SEMA3F: variants seen among roughly 807,000 people sequenced by gnomAD.
SEMA3F encodes semaphorin 3F.
A neutral mutation model predicts 98.5 loss-of-function variants in SEMA3F; 30 were observed. The ratio of observed to expected loss-of-function variants is 0.30; its 90% confidence interval spans 0.23 to 0.41. The LOEUF (loss-of-function observed/expected upper bound fraction) is 0.41. Ranked by LOEUF, SEMA3F falls within the 10% of genes least tolerant of loss-of-function variation. The pLI is 1.00. For missense variants in SEMA3F, 866 were observed against 1,119.3 expected, an observed-to-expected ratio of 0.77 and a Z score of 3.23; for synonymous variants, 380 against 444.8, an observed-to-expected ratio of 0.85 and a Z score of 1.83.
chr3:50,180,242 C>T (rs532140762), intron 7 of SEMA3F, among the ~76,000 whole-genome samples: 113 of 152,198 alleles, frequency 7.4e-4, no homozygotes, highest in African/African-American at 2.6e-3. Context: ...CTCCACCCCC[C>T]GACTCCCTGC....
chr3:50,182,279 C>A lies in SEMA3F; in HGVS notation c.644-5C>A. 6.2e-7 allele frequency: 1 copy of A among 1,614,076 alleles called. No homozygotes were observed. The highest frequency in any genetic ancestry group is 1.1e-5 in the South Asian group (1 of 91,080). ...CCCCCAACTGACCCACTGGCCTACC[C>A]ACAGATGAGGAGCTCTATGCTGGTG... is the stretch of plus-strand genomic sequence containing the variant. On this transcript the variant is annotated splice_region_variant and splice_polypyrimidine_tract_variant and intron_variant, in intron 7 of 18. Coordinates refer to ENST00000002829, the MANE Select transcript of SEMA3F (RefSeq NM_004186.5). This position sits in a 1 kb window ranked among gnomAD's most constrained non-coding sequence, Gnocchi z 4.5.
At chr3:50,180,399 C>T (rs951305335) in intron 7 of SEMA3F, among the ~76,000 whole-genome samples, 1 of 151,940 alleles carries the variant, frequency 6.6e-6, no homozygotes, top group South Asian at 2.1e-4. Context: ...TCAAGTGATC[C>T]CCTGCCTCAG....
chr3:50,176,809 G>A lies in SEMA3F; in HGVS notation c.591G>A (p.Gly197=), dbSNP rs778608819. Reference sequence around the variant, plus strand: ...TGGAGCCTGAGCGACTCGAGTCAGGGAAGGGCAAGTGTCCGTACGATCCCA... The same window carrying A: ...TGGAGCCTGAGCGACTCGAGTCAGGAAAGGGCAAGTGTCCGTACGATCCCA... ...FYLEPERLES[G]KGKCPYDPKL... is the part of the protein sequence containing the mutation. Residue 197 remains glycine (G), a synonymous_variant, in exon 7 of 19, where the codon GGG becomes GGA. Transcript: ENST00000002829. 3 of 1,613,784 alleles carry A rather than the reference G, an allele frequency of 1.9e-6. No homozygotes were observed. Among genetic ancestry groups the A allele is most frequent in the Non-Finnish European group, 2.5e-6 (3 of 1,179,996 alleles).
chr3:50,179,164 G>A (rs1449824596), intron 7 of SEMA3F, among the ~76,000 whole-genome samples: 3 of 152,006 alleles, frequency 2.0e-5, no homozygotes, highest in Non-Finnish European at 4.4e-5. Flanking sequence ...TTCTTGGAAT[G>A]GTAAATGAGC....
chr3:50,158,702 C>T lies in SEMA3F; in HGVS notation c.-48-873C>T, dbSNP rs561365178. Among the ~76,000 whole-genome samples, 4 of 152,260 alleles carry T rather than the reference C, an allele frequency of 2.6e-5. No individual in the cohort carries two copies. The highest frequency in any genetic ancestry group is 1.9e-4 in the East Asian group (1 of 5,182). The stretch of plus-strand genomic sequence containing the variant: ...GGTAGGAGTTGGCGCTGGTTTGTGC[C>T]GGGAGGGAGCAATATGTTCTGACAA... On this transcript the variant is annotated intron_variant, in intron 1 of 18. Transcript: ENST00000002829. The surrounding 1 kb of genome is among the most constrained non-coding windows in gnomAD (Gnocchi z 4.8).
intron 2 of SEMA3F, among the ~76,000 whole-genome samples, chr3:50,165,852 G>T (rs1466720758): frequency 1.3e-5 from 2 of 152,208 alleles, no homozygotes; most frequent in African/African-American, 4.8e-5. Flanking sequence ...CTGACCACTG[G>T]TCCTGACCCA....
chr3:50,185,615 G>A (rs745655798), intron 14 of SEMA3F, 51 bp from the exon 15 acceptor site: 1 of 1,613,178 alleles, frequency 6.2e-7, no homozygotes, highest in South Asian at 1.1e-5. Context: ...CTCTAGGTCA[G>A]GGCAGGGAGG....
In SEMA3F at chr3:50,155,952, G is replaced by C. The variant is rs1442019727; in HGVS notation, c.-49+388G>C. ...AACGCCCGAGGCAGCGCTCTTCCCC[G>C]TAGATGCGCTTGCCCTACCTCAGTG... On this transcript the variant is annotated intron_variant, in intron 1 of 18. Coordinates refer to ENST00000002829, the MANE Select transcript of SEMA3F (RefSeq NM_004186.5). This position sits in a 1 kb window ranked among gnomAD's most constrained non-coding sequence, Gnocchi z 4.9. 2.0e-5 allele frequency: 3 copies of C among 152,168 alleles called. No homozygotes were observed. The highest frequency in any genetic ancestry group is 7.2e-5 in the African/African-American group (3 of 41,450). The allele number at this position is 152,168 out of a possible 1,614,324, so 9.4% of individuals were successfully genotyped here.
intron 2 of SEMA3F, among the ~76,000 whole-genome samples, chr3:50,171,668 G>C (rs1698609815): frequency 6.6e-6 from 1 of 152,178 alleles, no homozygotes; most frequent in Non-Finnish European, 1.5e-5. Context: ...CAGCCCTGGG[G>C]GTGGGGGAAT....
In SEMA3F at chr3:50,173,795, C is replaced by G. The variant is rs138196965; in HGVS notation, c.115C>G (p.Leu39Val). 5 of 1,613,860 alleles carry G rather than the reference C, an allele frequency of 3.1e-6. No homozygotes were observed. The highest frequency in any genetic ancestry group is 4.2e-6 in the Non-Finnish European group (5 of 1,179,834). ...TPRVRLSFKE[L>V]KATGTAHFFN... ...GGTGCCCTGCCCTCCACCCACAGAGCTGAAGGCCACAGGCACCGCCCACTT... is the reference window on the plus strand; with the variant it reads ...GGTGCCCTGCCCTCCACCCACAGAGGTGAAGGCCACAGGCACCGCCCACTT... The change falls in exon 3 of 19, where the codon CTG becomes GTG. Residue 39 changes from leucine to valine, a missense_variant and splice_region_variant. By Grantham distance (32) the Leu-to-Val change is conservative. Coordinates refer to ENST00000002829, the MANE Select transcript of SEMA3F (RefSeq NM_004186.5).
chr3:50,168,509 C>T (rs1698485942), intron 2 of SEMA3F, among the ~76,000 whole-genome samples: 1 of 152,102 alleles, frequency 6.6e-6, no homozygotes, highest in Non-Finnish European at 1.5e-5. Flanking sequence ...GTGGGTGTGC[C>T]AAGCAGGAGG....
chr3:50,168,732 A>G (rs1386850585), intron 2 of SEMA3F, among the ~76,000 whole-genome samples: 1 of 151,954 alleles, frequency 6.6e-6, no homozygotes, highest in Admixed American at 6.6e-5. Context: ...GGCCGGGGCC[A>G]CCCCTTCCTG....
Position 50,173,821 on chromosome 3 carries a change from C to G in SEMA3F, c.141C>G (p.Phe47Leu). 6.2e-7 allele frequency: 1 copy of G among 1,614,120 alleles called. No individual in the cohort carries two copies. Among genetic ancestry groups the G allele is most frequent in the Non-Finnish European group, 8.5e-7 (1 of 1,180,032 alleles). The stretch of plus-strand genomic sequence containing the variant: ...TGAAGGCCACAGGCACCGCCCACTT[C>G]TTCAACTTCCTGCTCAACACAACCG... ...KELKATGTAH[F>L]FNFLLNTTDY... is the part of the protein sequence containing the mutation. Residue 47 changes from phenylalanine (F) to leucine (L), a missense_variant, in exon 3 of 19, where the codon TTC (phenylalanine) becomes TTG (leucine). Coordinates refer to ENST00000002829, the MANE Select transcript of SEMA3F (RefSeq NM_004186.5).
In SEMA3F at chr3:50,165,001, G is replaced by GT. The variant is rs1477609054; in HGVS notation, c.112+5268dup. On this transcript the variant is annotated intron_variant, in intron 2 of 18. Coordinates refer to ENST00000002829, the MANE Select transcript of SEMA3F (RefSeq NM_004186.5). The stretch of plus-strand genomic sequence containing the variant: ...CAGGTCCAGGGGCATGCCCCAAGGA[G>GT]TCCCAGACTGCCTCACCCCTTCCTC... Among the ~76,000 whole-genome samples the GT allele has an allele frequency of 3.2e-4, 48 of 152,246 alleles. 1 individual carries two copies. The highest frequency in any genetic ancestry group is 2.4e-4 in the Non-Finnish European group (16 of 68,046).
chr3:50,178,832 T>TTG (rs1296975777), intron 7 of SEMA3F, among the ~76,000 whole-genome samples: 2 of 133,166 alleles, frequency 1.5e-5, no homozygotes, highest in African/African-American at 5.5e-5. Flanking sequence ...TCTTTTTCTT[T>TTG]TTTTTTTTTT....
chr3:50,185,349 GGGGGGTTT>G (rs2109121928), intron 13 of SEMA3F, 86 bp from the exon 14 acceptor site: 2 of 1,168,506 alleles, frequency 1.7e-6, no homozygotes, highest in African/African-American at 3.1e-5. Context: ...CAATGCCCTA[GGGGGGTTT>G]GGGCCCTGGT....
intron 12 of SEMA3F, 106 bp from the exon 13 acceptor site, chr3:50,184,486 G>T (rs1699135962): frequency 1.3e-6 from 1 of 771,518 alleles, no homozygotes; most frequent in Non-Finnish European, 2.2e-6. Context: ...GAGAGGAGCA[G>T]GTTGAGGTAG....
chr3:50,188,936 T>G lies in SEMA3F; in HGVS notation c.*821T>G, dbSNP rs1416136946. The G allele has an allele frequency of 6.6e-6, 1 of 152,150 alleles. No individual in the cohort carries two copies. Among genetic ancestry groups the G allele is most frequent in the Non-Finnish European group, 1.5e-5 (1 of 68,036 alleles). 9.4% of individuals were successfully genotyped at this position (152,150 alleles called of 1,614,324 possible). A position where few individuals can be genotyped will look rare whatever the true frequency, so the allele number is the denominator to read the frequency against. On this transcript the variant is annotated 3_prime_UTR_variant, in exon 19 of 19. Coordinates refer to ENST00000002829, the MANE Select transcript of SEMA3F (RefSeq NM_004186.5). The surrounding 1 kb of genome is among the most constrained non-coding windows in gnomAD (Gnocchi z 4.5). ...CCCAGGGCTCCCTTATGTCCACCAC[T>G]TCAGGGGATGGGTGTGGATGTAATT...
At chr3:50,167,978 G>A (rs899409115) in intron 2 of SEMA3F, among the ~76,000 whole-genome samples, 2 of 152,192 alleles carry the variant, frequency 1.3e-5, no homozygotes, top group Non-Finnish European at 1.5e-5. Flanking sequence ...AATCAGAGCG[G>A]TTATTGAATA....
Sources: allele counts gnomAD v4.1 joint callset (sites outside exome capture counted in the v4.1 genomes callset), GRCh38; gene constraint gnomAD v4.1.1; non-coding constraint Gnocchi (gnomAD v3.1); transcripts MANE v1.5; gene names NCBI Gene and HGNC (gene_info 2026-07-23, HGNC 2026-07-21).